Variants in FAM193A observed in about 807,000 individuals in gnomAD.
FAM193A encodes protein FAM193A.
Under a neutral mutation model 126.5 loss-of-function variants are expected in FAM193A, and 22 were observed. That is an observed-to-expected ratio of 0.17 (90% CI 0.12 to 0.25). FAM193A has a LOEUF of 0.25. FAM193A is among the 10% of genes least tolerant of loss of function. FAM193A has a pLI of 1.00. For synonymous variants in FAM193A, 761 were observed against 646.8 expected (o/e 1.18, Z -2.68); for missense variants, 1,675 against 1,672.8 (o/e 1.00, Z -0.02).
chr4:2,653,445 T>C (rs1377365038), intron 7 of FAM193A, among the ~76,000 whole-genome samples: 1 of 152,092 alleles, frequency 6.6e-6, no homozygotes, highest in Admixed American at 6.5e-5. Context: ...ATGCTTTTTA[T>C]TTTTATTTAT....
intron 20 of FAM193A, among the ~76,000 whole-genome samples, chr4:2,722,968 T>C (rs1246491276): frequency 6.6e-6 from 1 of 152,164 alleles, no homozygotes; most frequent in Non-Finnish European, 1.5e-5. Context: ...AGTGTTTCAA[T>C]TTTGCTTACA....
chr4:2,669,378 G>A (rs1174280406), intron 12 of FAM193A, among the ~76,000 whole-genome samples: 3 of 152,060 alleles, frequency 2.0e-5, no homozygotes, highest in Non-Finnish European at 4.4e-5. Context: ...GGAGGCAGAG[G>A]CGGGCAGATC....
chr4:2,719,740 CAA>C (rs369345535), intron 20 of FAM193A, among the ~76,000 whole-genome samples: 8 of 102,410 alleles, frequency 7.8e-5, no homozygotes, highest in African/African-American at 4.3e-5. Flanking sequence ...GAGACACTCT[CAA>C]AAAAAAAAAA....
intron 4 of FAM193A, among the ~76,000 whole-genome samples, chr4:2,627,052 T>C (rs1484206049): frequency 6.6e-6 from 1 of 152,124 alleles, no homozygotes; most frequent in Non-Finnish European, 1.5e-5. Context: ...GCCGTGTGGC[T>C]GTTTCTCATG....
At chr4:2,688,863 G>T (rs937253306) in intron 13 of FAM193A, among the ~76,000 whole-genome samples, 1 of 152,258 alleles carries the variant, frequency 6.6e-6, no homozygotes, top group Non-Finnish European at 1.5e-5. Context: ...TGCAGGAGCA[G>T]CCAGATGGCT....
intron 17 of FAM193A, 129 bp downstream of exon 17, chr4:2,695,258 A>G: frequency 1.4e-6 from 1 of 696,232 alleles, no homozygotes. Context: ...GTAAAGAAAC[A>G]AAGAAAAATA....
At chr4:2,731,620 A>G (rs1721404415) in intron 20 of FAM193A, among the ~76,000 whole-genome samples, 155 bp from the exon 21 acceptor site, 1 of 151,630 alleles carries the variant, frequency 6.6e-6, no homozygotes, top group African/African-American at 2.4e-5. Flanking sequence ...CAGGGCCTGG[A>G]GGGGACCCTT....
intron 19 of FAM193A, 127 bp downstream of exon 19, chr4:2,700,671 C>A: frequency 8.5e-7 from 1 of 1,172,116 alleles, no homozygotes; most frequent in Non-Finnish European, 1.2e-6. Flanking sequence ...TAGAAAAGAG[C>A]GTAGAGGGGC....
chr4:2,580,620 A>T (rs1179852513), intron 1 of FAM193A, among the ~76,000 whole-genome samples: 1 of 152,168 alleles, frequency 6.6e-6, no homozygotes. Flanking sequence ...TTGCTCTGTT[A>T]GTTCACTTGA....
intron 20 of FAM193A, among the ~76,000 whole-genome samples, chr4:2,724,580 C>T (rs1477176523): frequency 6.6e-6 from 1 of 152,154 alleles, no homozygotes; most frequent in Non-Finnish European, 1.5e-5. Context: ...CCAGGCACAG[C>T]GTTCACACCT....
At chr4:2,556,743 C>T (rs1237488206) in intron 1 of FAM193A, among the ~76,000 whole-genome samples, 2 of 152,154 alleles carry the variant, frequency 1.3e-5, no homozygotes, top group African/African-American at 2.4e-5. Context: ...GTTTGTGGGA[C>T]AGAATTACTG....
At chr4:2,584,992 C>T (rs866919953) in intron 1 of FAM193A, among the ~76,000 whole-genome samples, 1 of 151,784 alleles carries the variant, frequency 6.6e-6, no homozygotes, top group African/African-American at 2.4e-5. Context: ...GTTTTTGTAC[C>T]TTATATAAAT....
chr4:2,659,838 C>T lies in FAM193A; in HGVS notation c.1529C>T (p.Ser510Leu). The T allele has an allele frequency of 6.2e-7, 1 of 1,614,142 alleles. No homozygotes were observed. The highest frequency in any genetic ancestry group is 8.5e-7 in the Non-Finnish European group (1 of 1,180,034). The change falls in exon 10 of 21, where the codon TCA becomes TTA. Residue 510 changes from serine to leucine, a missense_variant. Around this residue, in one of 4 missense-constraint regions of FAM193A, gnomAD observed 1,186 missense variants for 1,109.2 expected, o/e 1.07. Transcript: ENST00000637812. ...RRCACDDCSLSHILTCGIMDP... is the reference protein window; with the variant it reads ...RRCACDDCSLLHILTCGIMDP... ...TGTGCTTGCGATGACTGCAGTCTCT[C>T]ACACATCCTCACGTGTGGTATCATG...
At chr4:2,610,860 C>T (rs1326886469) in intron 2 of FAM193A, among the ~76,000 whole-genome samples, 1 of 152,028 alleles carries the variant, frequency 6.6e-6, no homozygotes. Flanking sequence ...GCCTCAGTCT[C>T]CCAAGTAGCT....
At chr4:2,590,827 A>C (rs1740527103) in intron 1 of FAM193A, among the ~76,000 whole-genome samples, 2 of 151,982 alleles carry the variant, frequency 1.3e-5, no homozygotes, top group South Asian at 4.1e-4. Context: ...GGAGATCGAG[A>C]CCATCCTGGC....
intron 5 of FAM193A, 135 bp downstream of exon 5, chr4:2,631,304 C>G: frequency 1.4e-6 from 1 of 721,630 alleles, no homozygotes; most frequent in Middle Eastern, 3.2e-4. Flanking sequence ...CTCTTCTCTA[C>G]GGGAGAGGAC....
At chr4:2,621,019 A>G (rs1742516347) in intron 2 of FAM193A, among the ~76,000 whole-genome samples, 1 of 151,970 alleles carries the variant, frequency 6.6e-6, no homozygotes, top group African/African-American at 2.4e-5. Flanking sequence ...AGGGGGTGTC[A>G]TTATGCCCCA....
rs571091206 is a variant in FAM193A at position 2,560,734 on chromosome 4, T to C, written c.255+23564T>C. ...AGCTTTGTCGTTTCTCTCCTGTGTC[T>C]TGAATCTTTCCACTTCTGTTGGGTT... On this transcript the variant is annotated intron_variant, in intron 1 of 20. Coordinates refer to ENST00000637812, the MANE Select transcript of FAM193A (RefSeq NM_001366318.2). Among the ~76,000 whole-genome samples the C allele has an allele frequency of 4.0e-4, 61 of 152,346 alleles. 1 individual carries two copies. The highest frequency in any genetic ancestry group is 6.8e-3 in the Middle Eastern group (2 of 294).
chr4:2,602,911 C>T (rs1159075481), intron 2 of FAM193A, among the ~76,000 whole-genome samples: 4 of 146,968 alleles, frequency 2.7e-5, no homozygotes, highest in Admixed American at 7.0e-5. Context: ...CCGCCCGCCT[C>T]GTCCTCCCAA....
Sources: allele counts gnomAD v4.1 joint callset (sites outside exome capture counted in the v4.1 genomes callset), GRCh38; gene constraint gnomAD v4.1.1; regional missense constraint gnomAD v4.1.1; transcripts MANE v1.5; gene names NCBI Gene and HGNC (gene_info 2026-07-23, HGNC 2026-07-21).